Variants in DLGAP1 observed in about 807,000 individuals in gnomAD.
DLGAP1 encodes DLG associated protein 1, also known as disks large-associated protein 1.
Under a neutral mutation model 90.8 loss-of-function variants are expected in DLGAP1, and 11 were observed. The observed-to-expected ratio is 0.12, with a 90% CI of 0.08 to 0.20. The LOEUF (loss-of-function observed/expected upper bound fraction) is 0.20. Ranked by LOEUF, DLGAP1 falls within the 10% of genes least tolerant of loss-of-function variation. DLGAP1 has a pLI of 1.00. For missense variants in DLGAP1, 1,050 were observed against 1,333.8 expected (o/e 0.79, Z 3.31); for synonymous variants, 558 against 540.7 (o/e 1.03, Z -0.44).
At chr18:4,224,211 C>G (rs4798202) in intron 1 of DLGAP1, among the ~76,000 whole-genome samples, 3,621 of 152,292 alleles carry the variant, frequency 0.024, 52 homozygotes, top group Non-Finnish European at 0.035. Flanking sequence ...ACACTGTGGG[C>G]AACCACACTC....
At chr18:4,244,589 T>C (rs752855769) in intron 1 of DLGAP1, among the ~76,000 whole-genome samples, 3 of 152,132 alleles carry the variant, frequency 2.0e-5, no homozygotes, top group Non-Finnish European at 4.4e-5. Flanking sequence ...ATAAAATAAA[T>C]ACTGCTGGTC....
chr18:4,078,885 A>G (rs758983319), intron 2 of DLGAP1, among the ~76,000 whole-genome samples: 1 of 152,188 alleles, frequency 6.6e-6, no homozygotes, highest in Non-Finnish European at 1.5e-5. Context: ...AAAAGACCAC[A>G]GATTCAGTCC....
intron 1 of DLGAP1, among the ~76,000 whole-genome samples, chr18:4,359,497 A>G (rs2081589091): frequency 6.6e-6 from 1 of 152,198 alleles, no homozygotes; most frequent in African/African-American, 2.4e-5. Flanking sequence ...CATCAAACTT[A>G]CAAGTACACA....
chr18:3,619,742 CTTT>C (rs10625913), intron 7 of DLGAP1, among the ~76,000 whole-genome samples: 23 of 112,394 alleles, frequency 2.0e-4, no homozygotes, highest in African/African-American at 5.6e-4. Context: ...TAGTTTTTTC[CTTT>C]TTTTTTTTTT....
At chr18:4,087,427 G>A (rs1284711900) in intron 2 of DLGAP1, among the ~76,000 whole-genome samples, 1 of 152,228 alleles carries the variant, frequency 6.6e-6, no homozygotes, top group Non-Finnish European at 1.5e-5. Flanking sequence ...TGAGCGATCT[G>A]TGCCTTAAGG....
At chr18:3,580,839 G>C (rs2055457616) in intron 8 of DLGAP1, 2 of 1,417,014 alleles carry the variant, frequency 1.4e-6, no homozygotes, top group African/African-American at 2.8e-5. Context: ...GAAAATAAAA[G>C]GCTCTGCCCC....
At chr18:3,600,723 G>GATATAGATATATATAGATATATAGATAT (rs2056862878) in intron 7 of DLGAP1, among the ~76,000 whole-genome samples, 3 of 17,984 alleles carry the variant, frequency 1.7e-4, no homozygotes, top group Non-Finnish European at 1.3e-4. Flanking sequence ...TAGATATAGA[G>GATATAGATATATATAGATATATAGATAT]ATATAGATAT....
intron 1 of DLGAP1, among the ~76,000 whole-genome samples, chr18:4,288,129 T>C (rs548658140): frequency 2.5e-4 from 38 of 152,256 alleles, no homozygotes; most frequent in South Asian, 1.2e-3. Flanking sequence ...TAGTTACATA[T>C]GTATACATGT....
At chr18:4,139,972 C>G (rs962075801) in intron 2 of DLGAP1, among the ~76,000 whole-genome samples, 1 of 151,908 alleles carries the variant, frequency 6.6e-6, no homozygotes, top group African/African-American at 2.4e-5. Flanking sequence ...CTTTTCCCAT[C>G]CCTTTATTTT....
chr18:4,027,297 G>A (rs1221802195), intron 2 of DLGAP1, among the ~76,000 whole-genome samples: 1 of 151,874 alleles, frequency 6.6e-6, no homozygotes, highest in Non-Finnish European at 1.5e-5. Flanking sequence ...CTGGAGGCCA[G>A]GAGTTCGAGA....
rs184193245 is a variant in DLGAP1, at chr18:3,675,340, G to T, written c.1591+53795C>A. Reference sequence around the variant, plus strand: ...TCCGCCGGCCTCAGCCTCCCAAAGTGCTAGGATTACAGGTGTGCTCCACCG... The same window carrying T: ...TCCGCCGGCCTCAGCCTCCCAAAGTTCTAGGATTACAGGTGTGCTCCACCG... On this transcript the variant is annotated intron_variant, in intron 7 of 12. Transcript: ENST00000315677. Among the ~76,000 whole-genome samples, 3 of 152,278 alleles carry T rather than the reference G, an allele frequency of 2.0e-5. No individual in the cohort carries two copies. In the East Asian group the frequency reaches 5.8e-4, roughly 29 times the overall value.
chr18:3,717,350 A>G (rs2061799806), intron 7 of DLGAP1, among the ~76,000 whole-genome samples: 1 of 152,118 alleles, frequency 6.6e-6, no homozygotes, highest in African/African-American at 2.4e-5. Context: ...GAGAGGGAAC[A>G]GGAAAGAAGG....
At chr18:3,956,502 C>G (rs1229788451) in intron 3 of DLGAP1, among the ~76,000 whole-genome samples, 1 of 152,130 alleles carries the variant, frequency 6.6e-6, no homozygotes, top group Non-Finnish European at 1.5e-5. Flanking sequence ...TCACCCGCCA[C>G]CATGCCCAGC....
intron 7 of DLGAP1, among the ~76,000 whole-genome samples, chr18:3,637,906 G>A (rs1352931708): frequency 6.9e-6 from 1 of 145,306 alleles, no homozygotes; most frequent in East Asian, 2.0e-4. Context: ...TCTATGGTTT[G>A]TTGCATTATC....
intron 9 of DLGAP1, among the ~76,000 whole-genome samples, chr18:3,549,625 CT>C (rs1197500348): frequency 2.0e-5 from 3 of 152,216 alleles, no homozygotes; most frequent in Non-Finnish European, 4.4e-5. Context: ...GCCACCACCC[CT>C]GGCCTCTTTT....
chr18:4,393,157 T>G (rs149599135), intron 1 of DLGAP1, among the ~76,000 whole-genome samples: 53 of 152,350 alleles, frequency 3.5e-4, no homozygotes, highest in African/African-American at 1.2e-3. Flanking sequence ...ACTTGCATAC[T>G]TGAACAATTT....
intron 10 of DLGAP1, among the ~76,000 whole-genome samples, chr18:3,523,102 G>A (rs2051317862): frequency 6.6e-6 from 1 of 152,234 alleles, no homozygotes; most frequent in South Asian, 2.1e-4. Context: ...GCCAGGCACA[G>A]TGGCTCACGC....
intron 5 of DLGAP1, among the ~76,000 whole-genome samples, chr18:3,789,026 T>G (rs1434971142): frequency 6.6e-6 from 1 of 152,194 alleles, no homozygotes; most frequent in Non-Finnish European, 1.5e-5. Flanking sequence ...TTCGCACAAT[T>G]AATTTAGCAC....
chr18:4,064,434 A>AGTAG (rs2075342912), intron 2 of DLGAP1, among the ~76,000 whole-genome samples: 1 of 151,208 alleles, frequency 6.6e-6, no homozygotes, highest in Admixed American at 6.6e-5. Context: ...AAATTAATAC[A>AGTAG]ATAGACTGCT....
Sources: gnomAD v4.1 joint callset for allele counts (sites outside exome capture counted in the v4.1 genomes callset) on GRCh38, gnomAD v4.1.1 for gene constraint, MANE v1.5 for transcripts, NCBI Gene and HGNC (gene_info 2026-07-23, HGNC 2026-07-21) for gene names.